The following PCDH7 variants were observed in gnomAD, a reference collection of about 807,000 sequenced individuals.
PCDH7 encodes protocadherin 7, also known as protocadherin-7.
A neutral mutation model predicts 58.9 loss-of-function variants in PCDH7; 17 were observed. The ratio of observed to expected loss-of-function variants is 0.29; its 90% CI spans 0.20 to 0.43. The LOEUF (loss-of-function observed/expected upper bound fraction) is 0.43, where lower values mean the gene tolerates loss of function less well. Ranked by LOEUF, PCDH7 falls within the 20% of genes least tolerant of loss-of-function variation. PCDH7 has a pLI of 1.00. For missense variants in PCDH7, 1,274 were observed against 1,441.0 expected (o/e 0.88, Z 1.88); for synonymous variants, 664 against 616.4 (o/e 1.08, Z -1.14).
intron 3 of PCDH7, among the ~76,000 whole-genome samples, chr4:31,139,912 T>C (rs184116541): frequency 8.5e-5 from 13 of 152,312 alleles, no homozygotes; most frequent in African/African-American, 3.1e-4. Context: ...GAGATCCTTA[T>C]TAAAAGTCAT....
At chr4:30,929,824 G>A (rs1744338907) in intron 2 of PCDH7, among the ~76,000 whole-genome samples, 1 of 152,066 alleles carries the variant, frequency 6.6e-6, no homozygotes, top group Admixed American at 6.6e-5. Context: ...AGTGCCCAAT[G>A]CTGAATTGTG....
rs75679169 is a variant in PCDH7 at position 30,797,682 on chromosome 4, T to C, written c.70+73086T>C. ...ACTGGGAAGATCCTGGTGTAGTTCA[T>C]ATTTACCTATCCTTCTTTCCCAGTT... On this transcript the variant is annotated intron_variant, in intron 1 of 3. Transcript: ENST00000509759. 9.9e-5 allele frequency among the ~76,000 whole-genome samples: 15 copies of C among 152,258 alleles called. No individual in the cohort carries two copies. In the East Asian group the frequency reaches 2.9e-3, roughly 29 times the overall value.
chr4:30,924,211 A>G (rs1339163100), intron 2 of PCDH7, among the ~76,000 whole-genome samples: 1 of 152,098 alleles, frequency 6.6e-6, no homozygotes, highest in East Asian at 1.9e-4. Flanking sequence ...TGCCTTTGCT[A>G]TGTAAGTCTT....
chr4:30,743,431 T>C (rs1364617311), intron 1 of PCDH7, among the ~76,000 whole-genome samples: 1 of 152,052 alleles, frequency 6.6e-6, no homozygotes, highest in Admixed American at 6.6e-5. Context: ...AAATGGCTTA[T>C]TTCTTTTTTA....
At chr4:30,976,388 G>C (rs1750074696) in intron 3 of PCDH7, among the ~76,000 whole-genome samples, 1 of 143,316 alleles carries the variant, frequency 7.0e-6, no homozygotes, top group Non-Finnish European at 1.5e-5. Context: ...ACCACGCCGG[G>C]CCATAAAATA....
chr4:31,058,371 G>A (rs999457230), intron 3 of PCDH7, among the ~76,000 whole-genome samples: 1 of 151,940 alleles, frequency 6.6e-6, no homozygotes, highest in Non-Finnish European at 1.5e-5. Context: ...GTTGATGCCT[G>A]GGTAAGCAAT....
At chr4:30,725,799 C>A (rs929148886) in intron 1 of PCDH7, among the ~76,000 whole-genome samples, 3 of 151,966 alleles carry the variant, frequency 2.0e-5, no homozygotes, top group Non-Finnish European at 4.4e-5. Flanking sequence ...TATTTTATAG[C>A]CTCATTGAAG....
intron 1 of PCDH7, among the ~76,000 whole-genome samples, chr4:30,818,777 C>T (rs1051414941): frequency 1.3e-5 from 2 of 152,074 alleles, no homozygotes; most frequent in Admixed American, 6.6e-5. Context: ...TACCTGAAAT[C>T]CAGTGGACTA....
Position 30,723,016 on chromosome 4 carries a change from C to A in PCDH7, c.1594C>A (p.Pro532Thr). Residue 532 changes from proline to threonine, a missense_variant, in exon 1 of 2, where the codon CCG becomes ACG. Coordinates refer to ENST00000361762, the Ensembl canonical transcript of PCDH7. This position sits in a 1 kb window ranked among gnomAD's most constrained non-coding sequence, Gnocchi z 4.6. Reference sequence around the variant, plus strand: ...CAAGGTGGGAGACACCAACGACAACCCGCCCATGTTCGGCCAGTCGGTGGT... The same window carrying A: ...CAAGGTGGGAGACACCAACGACAACACGCCCATGTTCGGCCAGTCGGTGGT... 2 of 1,613,904 alleles carry A rather than the reference C, an allele frequency of 1.2e-6. No individual in the cohort carries two copies. The highest frequency in any genetic ancestry group is 1.7e-6 in the Non-Finnish European group (2 of 1,180,042).
intron 3 of PCDH7, among the ~76,000 whole-genome samples, chr4:31,088,434 G>T (rs1318532412): frequency 6.6e-6 from 1 of 151,978 alleles, no homozygotes; most frequent in Non-Finnish European, 1.5e-5. Context: ...AGAAAGTTTA[G>T]TCACTTTTCC....
chr4:30,753,770 A>C (rs537349324), intron 1 of PCDH7, among the ~76,000 whole-genome samples: 1 of 152,334 alleles, frequency 6.6e-6, no homozygotes, highest in East Asian at 1.9e-4. Flanking sequence ...AGTGCATTTT[A>C]AGAATTGTGA....
At chr4:31,074,392 G>A (rs932474980) in intron 3 of PCDH7, among the ~76,000 whole-genome samples, 1 of 151,802 alleles carries the variant, frequency 6.6e-6, no homozygotes, top group Non-Finnish European at 1.5e-5. Flanking sequence ...TTTCAAAAAC[G>A]ATGTTAATGA....
At chr4:31,040,136 G>C (rs557221615) in intron 3 of PCDH7, among the ~76,000 whole-genome samples, 1 of 151,964 alleles carries the variant, frequency 6.6e-6, no homozygotes, top group Non-Finnish European at 1.5e-5. Context: ...TATGTTTTTC[G>C]ATGTATACTG....
intron 3 of PCDH7, among the ~76,000 whole-genome samples, chr4:30,976,167 C>T (rs1000413901): frequency 2.6e-5 from 4 of 151,744 alleles, no homozygotes; most frequent in African/African-American, 4.8e-5. Flanking sequence ...TTGTTTTTTT[C>T]TGAGACAGAG....
At chr4:30,826,367 A>G (rs1246345191) in intron 1 of PCDH7, among the ~76,000 whole-genome samples, 2 of 152,158 alleles carry the variant, frequency 1.3e-5, no homozygotes, top group African/African-American at 4.8e-5. Flanking sequence ...GCCTTGGAAC[A>G]GTGCCTTATG....
intron 1 of PCDH7, among the ~76,000 whole-genome samples, chr4:30,843,323 G>T (rs1335993899): frequency 6.6e-6 from 1 of 151,898 alleles, no homozygotes; most frequent in Non-Finnish European, 1.5e-5. Flanking sequence ...TGCCTCTGCC[G>T]CTGGAGTAGC....
intron 1 of PCDH7, among the ~76,000 whole-genome samples, chr4:30,908,099 G>T (rs983890722): frequency 6.6e-6 from 1 of 152,018 alleles, no homozygotes; most frequent in South Asian, 2.1e-4. Flanking sequence ...GGGCCGGTTC[G>T]GGGGTGAGGG....
chr4:31,009,910 T>C (rs1482156668), intron 3 of PCDH7, among the ~76,000 whole-genome samples: 1 of 151,972 alleles, frequency 6.6e-6, no homozygotes, highest in Non-Finnish European at 1.5e-5. Flanking sequence ...AAACTTTTTA[T>C]TGACATAGGG....
intron 3 of PCDH7, among the ~76,000 whole-genome samples, chr4:31,110,597 G>C (rs1002775718): frequency 1.3e-5 from 2 of 152,086 alleles, no homozygotes; most frequent in African/African-American, 2.4e-5. Context: ...TCATGGCTTT[G>C]GATATCAGAG....
Sources: gnomAD v4.1 joint callset for allele counts (sites outside exome capture counted in the v4.1 genomes callset) on GRCh38, gnomAD v4.1.1 for gene constraint, Gnocchi (gnomAD v3.1) non-coding constraint, MANE v1.5 for transcripts, NCBI Gene and HGNC (gene_info 2026-07-23, HGNC 2026-07-21) for gene names.